COL13A1: variants seen among roughly 807,000 people sequenced by gnomAD.
COL13A1 encodes the protein collagen alpha-1(XIII) chain.
In COL13A1, 89 loss-of-function variants were observed where a neutral mutation model predicts 130.9. The observed-to-expected ratio is 0.68, with a 90% CI of 0.57 to 0.81. The LOEUF is 0.81. Among genes scored for constraint, COL13A1 ranks in the 30% least tolerant of loss-of-function variants. The probability of loss-of-function intolerance (pLI) is 0.00; values close to 1 mark genes in which losing one functional copy is unlikely to be tolerated. For missense variants in COL13A1, 879 were observed against 934.6 expected, an observed-to-expected ratio of 0.94 and a Z score of 0.78; for synonymous variants, 402 against 341.6, an observed-to-expected ratio of 1.18 and a Z score of -1.95.
chr10:69,951,143 C>T (rs1164574978), intron 38 of COL13A1, among the ~76,000 whole-genome samples: 1 of 152,046 alleles, frequency 6.6e-6, no homozygotes, highest in Non-Finnish European at 1.5e-5. Flanking sequence ...GCCACTGTGC[C>T]CAGCCAAAAA....
At chr10:69,856,336 C>T (rs1367549592) in intron 2 of COL13A1, among the ~76,000 whole-genome samples, 1 of 152,154 alleles carries the variant, frequency 6.6e-6, no homozygotes, top group Non-Finnish European at 1.5e-5. Flanking sequence ...TAGCACTTTG[C>T]CACAGTCTCC....
chr10:69,862,724 G>C (rs1214351789), intron 2 of COL13A1, among the ~76,000 whole-genome samples: 2 of 152,150 alleles, frequency 1.3e-5, no homozygotes, highest in African/African-American at 4.8e-5. Context: ...AGGCAGACCT[G>C]GGGCCAAGTA....
chr10:69,945,899 C>T (rs777196190), intron 37 of COL13A1, among the ~76,000 whole-genome samples, 175 bp downstream of exon 37: 4 of 152,062 alleles, frequency 2.6e-5, no homozygotes, highest in South Asian at 2.1e-4. Context: ...GGTGAAACCC[C>T]GTCTTTACTA....
chr10:69,946,839 G>A (rs186217023), intron 37 of COL13A1, among the ~76,000 whole-genome samples: 116 of 152,278 alleles, frequency 7.6e-4, no homozygotes, highest in Admixed American at 1.8e-3. Context: ...CCAGGCTGGA[G>A]TGCAGTGGCA....
At position 69,958,816 on chromosome 10, in the gene COL13A1, A is replaced by G. The variant is rs568390720; in HGVS notation, c.*115A>G. On this transcript the variant is annotated 3_prime_UTR_variant, in exon 41 of 41. Transcript: ENST00000645393. Reference sequence around the variant, plus strand: ...ATGATGCATCTTACAGATTATTAAAAAAGAAAGAAAAACCTGCATATTTTG... The same window carrying G: ...ATGATGCATCTTACAGATTATTAAAGAAGAAAGAAAAACCTGCATATTTTG... The G allele has an allele frequency of 7.1e-7, 1 of 1,408,600 alleles. No individual in the cohort carries two copies. The highest frequency in any genetic ancestry group is 2.2e-5 in the Admixed American group (1 of 45,136). The allele number at this position is 1,408,600 out of a possible 1,614,324, so 87.3% of individuals were successfully genotyped here.
chr10:69,819,026 C>G (rs1303918580), intron 1 of COL13A1, among the ~76,000 whole-genome samples: 1 of 152,230 alleles, frequency 6.6e-6, no homozygotes, highest in East Asian at 1.9e-4. Flanking sequence ...GTATGCTTCT[C>G]CCACACCAAG....
intron 24 of COL13A1, 34 bp downstream of exon 24, chr10:69,923,889 T>A: frequency 1.2e-6 from 2 of 1,604,000 alleles, no homozygotes; most frequent in South Asian, 1.1e-5. Flanking sequence ...AGCTGCAAGA[T>A]GAGGGTCAGC....
Position 69,925,854 on chromosome 10 carries a change from C to T in COL13A1, c.1380C>T (p.Asn460=), listed in dbSNP as rs1444545732. The change falls in exon 26 of 41, where the codon AAC becomes AAT. Residue 460 remains asparagine (N), a synonymous_variant. Transcript: ENST00000645393. ...GKGEMVDYNG[N]INEALQEIRT... ...GAGAGATGGTGGATTACAATGGAAA[C>T]ATCAATGAGGCTCTCCAGGTGAGCA... 1.3e-6 allele frequency: 2 copies of T among 1,598,080 alleles called. No individual in the cohort carries two copies. Among genetic ancestry groups the T allele is most frequent in the Admixed American group, 1.7e-5 (1 of 57,944 alleles).
intron 33 of COL13A1, among the ~76,000 whole-genome samples, chr10:69,937,140 G>T (rs1036032992): frequency 1.3e-5 from 2 of 152,202 alleles, no homozygotes; most frequent in Admixed American, 6.5e-5. Flanking sequence ...AGCTTGGGGG[G>T]ACTCTGCACT....
chr10:69,802,265 A>T lies in COL13A1; in HGVS notation c.-159A>T. On this transcript the variant is annotated 5_prime_UTR_variant, in exon 1 of 41. Transcript: ENST00000645393. ...TTTCGGCACTTCCTCTCCTACTGCT[A>T]ATTTTTCCGTCCTCTTTGCCGGGAG... is the stretch of plus-strand genomic sequence containing the variant. 1 of 880,724 alleles carries T rather than the reference A, an allele frequency of 1.1e-6. No homozygotes were observed. Among genetic ancestry groups the T allele is most frequent in the Non-Finnish European group, 1.6e-6 (1 of 636,794 alleles). The allele number at this position is 880,724 out of a possible 1,614,324, so 54.6% of individuals were successfully genotyped here. A position where few individuals can be genotyped will look rare whatever the true frequency, so the allele number is the denominator to read the frequency against.
At chr10:69,938,573 G>A (rs531021083) in intron 34 of COL13A1, among the ~76,000 whole-genome samples, 6 of 152,236 alleles carry the variant, frequency 3.9e-5, no homozygotes, top group East Asian at 1.9e-4. Flanking sequence ...CTTGCAAAGC[G>A]ACTCCTTCCA....
intron 2 of COL13A1, chr10:69,829,384 T>G: frequency 1.9e-6 from 1 of 514,250 alleles, no homozygotes; most frequent in Non-Finnish European, 2.5e-6. Flanking sequence ...CACAGCTTGT[T>G]ACCTGCTCTG....
At chr10:69,889,505 C>T in intron 10 of COL13A1, 65 bp downstream of exon 10, 1 of 1,584,414 alleles carries the variant, frequency 6.3e-7, no homozygotes, top group Non-Finnish European at 8.6e-7. Flanking sequence ...ACAGGCACAG[C>T]CAAGCACTGC....
At chr10:69,905,851 G>T in intron 17 of COL13A1, 29 bp downstream of exon 17, 10 of 1,612,408 alleles carry the variant, frequency 6.2e-6, no homozygotes, top group Non-Finnish European at 8.5e-6. Context: ...ACCCAAGTGG[G>T]GCAGGACTTT....
chr10:69,896,800 C>T (rs1426020732), intron 13 of COL13A1, among the ~76,000 whole-genome samples: 1 of 152,212 alleles, frequency 6.6e-6, no homozygotes, highest in African/African-American at 2.4e-5. Flanking sequence ...GCAGCACAGT[C>T]AGAGCCACAG....
intron 5 of COL13A1, chr10:69,877,706 C>T: frequency 3.6e-5 from 1 of 27,688 alleles, no homozygotes. Flanking sequence ...CTCTCACACA[C>T]ACACACACAC....
rs377648063 is a variant in COL13A1 at position 69,936,768 on chromosome 10, G to A, written c.1783G>A (p.Val595Ile). Residue 595 changes from valine (V) to isoleucine (I), a missense_variant, in exon 33 of 41, where the codon GTT becomes ATT. Physicochemically the swap from Val to Ile is conservative, Grantham distance 29 (BLOSUM62 3). This residue lies in a region of COL13A1 where 96 missense variants were observed against 147.7 expected (regional missense o/e 0.65). Coordinates refer to ENST00000645393, the MANE Select transcript of COL13A1 (RefSeq NM_001368882.1). ...ATTCCAAATGCAGGGGCTCCAAGGT[G>A]TTCCTGGACCAAAGGTAAGGAGAAG... ...GPPGPPGLQG[V>I]PGPKGEAGLD... 13 of 1,613,852 alleles carry A rather than the reference G, an allele frequency of 8.1e-6. No individual in the cohort carries two copies. The highest frequency in any genetic ancestry group is 1.7e-5 in the Admixed American group (1 of 60,004).
At chr10:69,821,077 T>C (rs980852154) in intron 1 of COL13A1, among the ~76,000 whole-genome samples, 9 of 152,224 alleles carry the variant, frequency 5.9e-5, no homozygotes, top group African/African-American at 2.2e-4. Flanking sequence ...TCCTAACTCG[T>C]CAACCTTGTC....
At position 69,924,882 on chromosome 10, in the gene COL13A1, T is replaced by G. The variant is rs149649176; in HGVS notation, c.1285-81T>G. ...AGAGCTAAGATGAGCCTCCTGGCCC[T>G]TATCACATGGCCCATCTAGGGACAT... On this transcript the variant is annotated intron_variant, in intron 24 of 40. Coordinates refer to ENST00000645393, the MANE Select transcript of COL13A1 (RefSeq NM_001368882.1). 601 of 1,403,210 alleles carry G rather than the reference T, an allele frequency of 4.3e-4. No individual in the cohort carries two copies. The African/African-American group carries it at 7.6e-3, about 18-fold the overall frequency. The allele number at this position is 1,403,210 out of a possible 1,614,324, so 86.9% of individuals were successfully genotyped here.
Sources: gnomAD v4.1 joint callset for allele counts (sites outside exome capture counted in the v4.1 genomes callset) on GRCh38, gnomAD v4.1.1 for gene constraint, gnomAD v4.1.1 regional missense constraint, MANE v1.5 for transcripts, NCBI Gene and HGNC (gene_info 2026-07-23, HGNC 2026-07-21) for gene names.